Variants in HERC2 observed in about 807,000 individuals in gnomAD.
HERC2 encodes E3 ubiquitin-protein ligase HERC2.
A neutral mutation model predicts 537.7 loss-of-function variants in HERC2; 102 were observed. The ratio of observed to expected loss-of-function variants is 0.19; its 90% CI spans 0.16 to 0.22. The LOEUF is 0.22. HERC2 is among the 10% of genes least tolerant of loss of function. The pLI is 1.00. For synonymous variants in HERC2, 2,224 were observed against 2,466.2 expected (o/e 0.90, Z 2.91); for missense variants, 4,236 against 6,198.2 (o/e 0.68, Z 10.63).
In HERC2 at chr15:28,246,037, T is replaced by G. The variant is rs753743625; in HGVS notation, c.3421A>C (p.Ile1141Leu). ...GCATTTTTACTGAGCAGAAGCACTATAGAAACTACTAGTTCTGGAAGGAGA... is the reference window on the plus strand; with the variant it reads ...GCATTTTTACTGAGCAGAAGCACTAGAGAAACTACTAGTTCTGGAAGGAGA... ...GVLLPELVVS[I>L]VLLLSKNAGL... Residue 1141 changes from isoleucine (I) to leucine (L), a missense_variant, in exon 23 of 93, where the codon ATA (isoleucine) becomes CTA (leucine). Physicochemically the swap from Ile to Leu is conservative, Grantham distance 5. This residue lies in a region of HERC2 where 754 missense variants were observed against 1,085.0 expected (regional missense o/e 0.69). Transcript: ENST00000261609. 1 of 1,610,728 alleles carries G rather than the reference T, an allele frequency of 6.2e-7. No individual in the cohort carries two copies. The highest frequency in any genetic ancestry group is 8.5e-7 in the Non-Finnish European group (1 of 1,177,772).
chr15:28,186,484 TGA>T, intron 56 of HERC2, 91 bp downstream of exon 56: 1 of 987,916 alleles, frequency 1.0e-6, no homozygotes, highest in Non-Finnish European at 1.5e-6. Flanking sequence ...ACTCTCAGTA[TGA>T]GACACATTCT....
rs1449671788 is a variant in HERC2 at position 28,113,389 on chromosome 15, A to G, written c.14020-106T>C. 1 of 1,296,988 alleles carries G rather than the reference A, an allele frequency of 7.7e-7. No individual in the cohort carries two copies. The highest frequency in any genetic ancestry group is 1.1e-6 in the Non-Finnish European group (1 of 917,544). The allele number at this position is 1,296,988 out of a possible 1,614,324, so 80.3% of individuals were successfully genotyped here. ...CACCAAGGCCTGTTTGGGGTGGGGA[A>G]AGGTCTGGGGGCTCTGGGTGGGCCC... is the stretch of plus-strand genomic sequence containing the variant. On this transcript the variant is annotated intron_variant, in intron 91 of 92. Transcript: ENST00000261609. This position sits in a 1 kb window ranked among gnomAD's most constrained non-coding sequence, Gnocchi z 7.0.
chr15:28,314,947 C>T (rs983222355), intron 2 of HERC2, among the ~76,000 whole-genome samples: 2 of 152,128 alleles, frequency 1.3e-5, no homozygotes, highest in Non-Finnish European at 2.9e-5. Context: ...ACACATCTGG[C>T]AGCTTCTCGC....
rs1896137940 is a variant in HERC2 at position 28,184,711 on chromosome 15, A to C, written c.8825+1866T>G. On this transcript the variant is annotated intron_variant, in intron 56 of 92. Transcript: ENST00000261609. Reference sequence around the variant, plus strand: ...CCCGTCTCTACTAAAAATACAAAAAAATTAGCCGGGCATGGCGGCGTGCAC... The same window carrying C: ...CCCGTCTCTACTAAAAATACAAAAACATTAGCCGGGCATGGCGGCGTGCAC... 3.3e-5 allele frequency among the ~76,000 whole-genome samples: 5 copies of C among 151,274 alleles called. No individual in the cohort carries two copies. In the South Asian group the frequency reaches 1.0e-3, roughly 32 times the overall value.
chr15:28,173,163 C>G (rs551083741), intron 65 of HERC2, among the ~76,000 whole-genome samples: 1 of 152,144 alleles, frequency 6.6e-6, no homozygotes, highest in Non-Finnish European at 1.5e-5. Flanking sequence ...CAGTATGTAG[C>G]GATCTTAAGA....
At chr15:28,275,823 TCTCAA>T (rs1287037229) in intron 5 of HERC2, among the ~76,000 whole-genome samples, 2 of 151,218 alleles carry the variant, frequency 1.3e-5, no homozygotes, top group African/African-American at 4.9e-5. Context: ...GCATATATAA[TCTCAA>T]CTCAATCATG....
intron 4 of HERC2, among the ~76,000 whole-genome samples, chr15:28,288,728 A>C (rs944273496): frequency 2.0e-5 from 3 of 151,470 alleles, no homozygotes; most frequent in African/African-American, 7.3e-5. Context: ...CCTGCCTGTA[A>C]TCCCAGCTAC....
rs1309597347 is a variant in HERC2, at chr15:28,263,089, T to C, written c.1951A>G (p.Ile651Val). 2.5e-6 allele frequency: 4 copies of C among 1,614,212 alleles called. No homozygotes were observed. Among genetic ancestry groups the C allele is most frequent in the African/African-American group, 1.3e-5 (1 of 75,052 alleles). Reference sequence around the variant, plus strand: ...ACATCCAAGTCTTGAAGCTTTTCAATCAGCTTTGGGGTTTTGCAGCCATCA... The same window carrying C: ...ACATCCAAGTCTTGAAGCTTTTCAACCAGCTTTGGGGTTTTGCAGCCATCA... Reference protein sequence around the residue: ...GSDGCKTPKLIEKLQDLDVVK... With the variant: ...GSDGCKTPKLVEKLQDLDVVK... The change falls in exon 15 of 93, where the codon ATT becomes GTT. Residue 651 changes from isoleucine (I) to valine (V), a missense_variant. Coordinates refer to ENST00000261609, the MANE Select transcript of HERC2 (RefSeq NM_004667.6).
intron 2 of HERC2, chr15:28,320,080 T>C (rs1190487882): frequency 3.3e-5 from 5 of 151,506 alleles, no homozygotes; most frequent in African/African-American, 9.7e-5. Context: ...CTGTCTTATG[T>C]AACATTACAC....
Position 28,135,338 on chromosome 15 carries a change from A to G in HERC2, c.12230+140T>C, listed in dbSNP as rs542583779. 52 of 700,004 alleles carry G rather than the reference A, an allele frequency of 7.4e-5. No individual in the cohort carries two copies. In the African/African-American group the frequency reaches 8.8e-4, roughly 12 times the overall value. The allele number at this position is 700,004 out of a possible 1,614,324, so 43.4% of individuals were successfully genotyped here. On this transcript the variant is annotated intron_variant, in intron 79 of 92. Transcript: ENST00000261609. ...ATTGGAACATAAAACTATTTCTGCC[A>G]AATGAGTCATTAACATTATTTAGTT...
At chr15:28,167,873 A>T in intron 67 of HERC2, 46 bp from the exon 68 acceptor site, 1 of 1,566,978 alleles carries the variant, frequency 6.4e-7, no homozygotes, top group Non-Finnish European at 8.6e-7. Flanking sequence ...GGAAAAACTC[A>T]GCAACATAAC....
chr15:28,140,697 T>A (rs1424503151), intron 78 of HERC2, among the ~76,000 whole-genome samples: 1 of 151,668 alleles, frequency 6.6e-6, no homozygotes, highest in African/African-American at 2.4e-5. Context: ...TATTTTTGTA[T>A]TTTTCGTAGA....
intron 2 of HERC2, among the ~76,000 whole-genome samples, chr15:28,312,093 T>A (rs1204770330): frequency 6.6e-6 from 1 of 152,288 alleles, no homozygotes; most frequent in African/African-American, 2.4e-5. Context: ...TGTGGAAGCC[T>A]CCTAGGAACT....
chr15:28,129,010 T>C (rs531586247), intron 83 of HERC2, among the ~76,000 whole-genome samples: 1 of 152,354 alleles, frequency 6.6e-6, no homozygotes, highest in Non-Finnish European at 1.5e-5. Context: ...CCTCCTTTTC[T>C]GATCAAAGGG....
At chr15:28,199,007 C>T (rs1014720037) in intron 48 of HERC2, among the ~76,000 whole-genome samples, 1 of 151,998 alleles carries the variant, frequency 6.6e-6, no homozygotes, top group African/African-American at 2.4e-5. Context: ...ATTAGCCAGA[C>T]GTGGCGGTGC....
intron 70 of HERC2, among the ~76,000 whole-genome samples, chr15:28,148,462 C>G (rs1891999268): frequency 6.6e-6 from 1 of 152,192 alleles, no homozygotes; most frequent in Non-Finnish European, 1.5e-5. Context: ...CCAGAAAAGA[C>G]TGCTAAGCAA....
At position 28,233,251 on chromosome 15, in the gene HERC2, C is replaced by G; in HGVS notation, c.4570G>C (p.Val1524Leu). The change falls in exon 30 of 93, where the codon GTT (valine) becomes CTT (leucine). Residue 1524 changes from valine to leucine, a missense_variant. Physicochemically the swap from Val to Leu is conservative, Grantham distance 32. This residue lies in a region of HERC2 where 343 missense variants were observed against 417.2 expected (regional missense o/e 0.82). Transcript: ENST00000261609. ...GACATTATAGAGAGGTCATTACAAA[C>G]AGCAGGTCTCAATTCATTAAAGAGG... is the stretch of plus-strand genomic sequence containing the variant. ...RFLFNELRPA[V>L]CNDLSIMSKF... 6.4e-7 allele frequency: 1 copy of G among 1,570,694 alleles called. No individual in the cohort carries two copies. Among genetic ancestry groups the G allele is most frequent in the Non-Finnish European group, 8.7e-7 (1 of 1,143,110 alleles).
chr15:28,273,045 A>G (rs747001564), intron 7 of HERC2, 41 bp from the exon 8 acceptor site: 2 of 1,395,768 alleles, frequency 1.4e-6, no homozygotes, highest in Admixed American at 3.4e-5. Flanking sequence ...AGCAACCTCC[A>G]GAAAGACAGC....
chr15:28,126,504 G>A (rs1267606773), intron 83 of HERC2, among the ~76,000 whole-genome samples: 1 of 152,154 alleles, frequency 6.6e-6, no homozygotes, highest in Non-Finnish European at 1.5e-5. Context: ...ATCAATGAGT[G>A]GATAAAGAAA....
Sources: allele counts gnomAD v4.1 joint callset (sites outside exome capture counted in the v4.1 genomes callset), GRCh38; gene constraint gnomAD v4.1.1; regional missense constraint gnomAD v4.1.1; non-coding constraint Gnocchi (gnomAD v3.1); transcripts MANE v1.5; gene names NCBI Gene and HGNC (gene_info 2026-07-23, HGNC 2026-07-21).